The following ALK variants were observed in gnomAD, a reference collection of about 807,000 sequenced individuals.
ALK encodes ALK receptor tyrosine kinase, also known as ALK tyrosine kinase receptor.
ALK carries 74 observed loss-of-function variants against 163.1 expected under a neutral mutation model. The observed-to-expected ratio is 0.45, with a 90% CI of 0.38 to 0.55. The LOEUF is 0.55. Among genes scored for constraint, ALK ranks in the 20% least tolerant of loss-of-function variants. ALK has a pLI of 0.00. For missense variants in ALK, 2,063 were observed against 2,105.3 expected (o/e 0.98, Z 0.39); for synonymous variants, 960 against 843.2 (o/e 1.14, Z -2.40).
At chr2:29,511,679 T>C (rs1672521716) in intron 4 of ALK, among the ~76,000 whole-genome samples, 1 of 152,204 alleles carries the variant, frequency 6.6e-6, no homozygotes. Context: ...GGCTGGGTTG[T>C]ATGGTAGGCA....
At chr2:29,883,370 A>C (rs570483583) in intron 1 of ALK, among the ~76,000 whole-genome samples, 5 of 152,176 alleles carry the variant, frequency 3.3e-5, no homozygotes, top group African/African-American at 1.2e-4. Flanking sequence ...AAGCTCATTT[A>C]TTTTCAGTGA....
intron 1 of ALK, among the ~76,000 whole-genome samples, chr2:29,778,981 C>T (rs1338417839): frequency 1.3e-5 from 2 of 151,560 alleles, no homozygotes; most frequent in African/African-American, 4.9e-5. Context: ...TGGTGAAACC[C>T]GGTCTCTACT....
At chr2:29,618,862 C>T (rs1428061573) in intron 3 of ALK, among the ~76,000 whole-genome samples, 1 of 152,034 alleles carries the variant, frequency 6.6e-6, no homozygotes, top group Non-Finnish European at 1.5e-5. Flanking sequence ...GCCTGTAATC[C>T]CAGCTACTTG....
At chr2:29,404,827 A>G (rs1012084251) in intron 4 of ALK, among the ~76,000 whole-genome samples, 1 of 152,232 alleles carries the variant, frequency 6.6e-6, no homozygotes, top group African/African-American at 2.4e-5. Flanking sequence ...CTGGGGAAAG[A>G]GAAAACTGAA....
chr2:29,405,730 G>C (rs1573325286), intron 4 of ALK, among the ~76,000 whole-genome samples: 1 of 152,172 alleles, frequency 6.6e-6, no homozygotes, highest in Non-Finnish European at 1.5e-5. Flanking sequence ...TAACAAAAGG[G>C]ATAAAAGGAA....
chr2:29,890,298 G>A (rs1667110570), intron 1 of ALK: 1 of 143,488 alleles, frequency 7.0e-6, no homozygotes, highest in African/African-American at 2.6e-5. Context: ...GAATGAAACA[G>A]TGGAAGTTTC....
At chr2:29,625,916 C>T (rs948798160) in intron 3 of ALK, among the ~76,000 whole-genome samples, 3 of 152,230 alleles carry the variant, frequency 2.0e-5, no homozygotes, top group Non-Finnish European at 4.4e-5. Context: ...CTTTATGCTT[C>T]ACCTGGGGAG....
At chr2:29,469,222 C>T (rs1431365863) in intron 4 of ALK, among the ~76,000 whole-genome samples, 1 of 152,132 alleles carries the variant, frequency 6.6e-6, no homozygotes, top group East Asian at 1.9e-4. Context: ...GATGAGTTTC[C>T]AGAACCATTC....
At chr2:29,660,830 T>G (rs185165783) in intron 3 of ALK, among the ~76,000 whole-genome samples, 1 of 152,180 alleles carries the variant, frequency 6.6e-6, no homozygotes, top group Admixed American at 6.5e-5. Flanking sequence ...ATAACTTATG[T>G]CTCTTCCTGA....
chr2:29,623,744 T>C (rs1425146825), intron 3 of ALK, among the ~76,000 whole-genome samples: 1 of 152,368 alleles, frequency 6.6e-6, no homozygotes, highest in South Asian at 2.1e-4. Flanking sequence ...TATCGCTTTT[T>C]TAAGGTTGTG....
At chr2:29,578,131 C>T (rs1674577163) in intron 3 of ALK, among the ~76,000 whole-genome samples, 4 of 152,130 alleles carry the variant, frequency 2.6e-5, no homozygotes, top group Admixed American at 6.5e-5. Context: ...GGGCCTTTCC[C>T]ATGCTGTTCT....
chr2:29,870,775 A>G (rs1280113769), intron 1 of ALK, among the ~76,000 whole-genome samples: 2 of 152,212 alleles, frequency 1.3e-5, no homozygotes, highest in Non-Finnish European at 2.9e-5. Context: ...ATTACCTGTG[A>G]ATTTTCTTAT....
chr2:29,827,278 A>G (rs1558506097), intron 1 of ALK, among the ~76,000 whole-genome samples: 2 of 152,218 alleles, frequency 1.3e-5, no homozygotes, highest in Non-Finnish European at 1.5e-5. Flanking sequence ...CAAGGTCCAG[A>G]GAGACTAAGG....
chr2:29,893,286 T>A (rs1667192137), intron 1 of ALK, among the ~76,000 whole-genome samples: 2 of 152,212 alleles, frequency 1.3e-5, no homozygotes, highest in African/African-American at 2.4e-5. Flanking sequence ...TGATCAGGTA[T>A]TTAAAGATAA....
At chr2:29,621,030 T>A (rs1676020624) in intron 3 of ALK, among the ~76,000 whole-genome samples, 1 of 152,168 alleles carries the variant, frequency 6.6e-6, no homozygotes, top group African/African-American at 2.4e-5. Context: ...ATAGGAAATT[T>A]CATCTCAGGT....
chr2:29,241,106 G>C (rs1478878434), intron 12 of ALK, among the ~76,000 whole-genome samples: 1 of 152,196 alleles, frequency 6.6e-6, no homozygotes, highest in African/African-American at 2.4e-5. Flanking sequence ...CATTGCCCTG[G>C]TGAGTGCCTG....
In ALK at chr2:29,919,958, C is replaced by T. The variant is rs371198807; in HGVS notation, c.667+35G>A. 3.8e-5 allele frequency: 61 copies of T among 1,608,370 alleles called. No homozygotes were observed. The Admixed American group carries it at 5.2e-4, about 14-fold the overall frequency. On this transcript the variant is annotated intron_variant, in intron 1 of 28. Coordinates refer to ENST00000389048, the MANE Select transcript of ALK (RefSeq NM_004304.5). ...TTGCATATCAATGTGACTAAAAACACTAAATCCCGGCACACTCAGGCGGGA... is the reference window on the plus strand; with the variant it reads ...TTGCATATCAATGTGACTAAAAACATTAAATCCCGGCACACTCAGGCGGGA...
intron 4 of ALK, among the ~76,000 whole-genome samples, chr2:29,430,972 G>T (rs1400744408): frequency 6.6e-6 from 1 of 151,806 alleles, no homozygotes; most frequent in African/African-American, 2.4e-5. Context: ...GGACAAAGAG[G>T]CTGCACTAGA....
intron 1 of ALK, among the ~76,000 whole-genome samples, chr2:29,902,287 C>CA (rs1667436048): frequency 6.6e-6 from 1 of 152,146 alleles, no homozygotes; most frequent in African/African-American, 2.4e-5. Context: ...ATCTTGCTGG[C>CA]AAAAAGTGCT....
Sources: allele counts gnomAD v4.1 joint callset (sites outside exome capture counted in the v4.1 genomes callset), GRCh38; gene constraint gnomAD v4.1.1; transcripts MANE v1.5; gene names NCBI Gene and HGNC (gene_info 2026-07-23, HGNC 2026-07-21).